Variants in CACNB2 observed in about 807,000 individuals in gnomAD.
CACNB2 encodes voltage-dependent L-type calcium channel subunit beta-2.
A neutral mutation model predicts 73.3 loss-of-function variants in CACNB2; 42 were observed. The ratio of observed to expected loss-of-function variants is 0.57; its 90% CI spans 0.45 to 0.74. CACNB2 has a LOEUF of 0.74. Among genes scored for constraint, CACNB2 ranks in the 30% least tolerant of loss-of-function variants. The pLI is 0.00. For synonymous variants in CACNB2, 348 were observed against 310.3 expected (o/e 1.12, Z -1.28); for missense variants, 940 against 853.0 (o/e 1.10, Z -1.27).
rs753552534 is a variant in CACNB2, at chr10:18,540,729, C to CGTAT, written c.*1009_*1012dup. 1 of 152,504 alleles carries CGTAT rather than the reference C, an allele frequency of 6.6e-6. No homozygotes were observed. Among genetic ancestry groups the CGTAT allele is most frequent in the Non-Finnish European group, 1.5e-5 (1 of 68,018 alleles). 9.4% of individuals were successfully genotyped at this position (152,504 alleles called of 1,614,324 possible). A position where few individuals can be genotyped will look rare whatever the true frequency, so the allele number is the denominator to read the frequency against. On this transcript the variant is annotated 3_prime_UTR_variant, in exon 14 of 14. Transcript: ENST00000324631. ...CTCGCTATATGCACGTGTGTGTGTC[C>CGTAT]GTATGTAAGAAAGTGTGCACCGAGT...
chr10:18,141,304 C>CGTGG, intron 1 of CACNB2: 1 of 1,178,074 alleles, frequency 8.5e-7, no homozygotes, highest in Non-Finnish European at 1.2e-6. Context: ...CCGGGGTGGG[C>CGTGG]GTGGGTGTGA....
At chr10:18,258,328 C>T (rs2037370906) in intron 2 of CACNB2, among the ~76,000 whole-genome samples, 1 of 152,168 alleles carries the variant, frequency 6.6e-6, no homozygotes, top group Non-Finnish European at 1.5e-5. Flanking sequence ...GGGGATAGAT[C>T]ATTTCCCCAG....
In CACNB2 at chr10:18,342,980, T is replaced by C. The variant is rs2041294602; in HGVS notation, c.214-58944T>C. ...TCAGTTTCAGTTTATTTCAGTACCT[T>C]CTAAAGTCATTCCAAACCTCAAATG... On this transcript the variant is annotated intron_variant, in intron 2 of 13. Coordinates refer to ENST00000324631, the MANE Select transcript of CACNB2 (RefSeq NM_201596.3). Among the ~76,000 whole-genome samples the C allele has an allele frequency of 2.0e-5, 3 of 152,200 alleles. No homozygotes were observed. In the South Asian group the frequency reaches 6.2e-4, roughly 31 times the overall value.
chr10:18,293,884 C>T (rs1376930183), intron 2 of CACNB2, among the ~76,000 whole-genome samples: 1 of 152,164 alleles, frequency 6.6e-6, no homozygotes, highest in Non-Finnish European at 1.5e-5. Flanking sequence ...GAGAGAGAGA[C>T]TTTGAAATGT....
intron 6 of CACNB2, chr10:18,513,577 T>C (rs1026417067): frequency 1.0e-5 from 4 of 381,782 alleles, no homozygotes; most frequent in Admixed American, 8.2e-5. Flanking sequence ...TATTGCAAGT[T>C]GTCTCCACTG....
At chr10:18,535,005 C>T (rs1283374522) in intron 11 of CACNB2, among the ~76,000 whole-genome samples, 2 of 152,168 alleles carry the variant, frequency 1.3e-5, no homozygotes, top group African/African-American at 4.8e-5. Context: ...AACTTGTATG[C>T]ATCTCTGAGA....
At chr10:18,438,688 G>A (rs1433748139) in intron 3 of CACNB2, among the ~76,000 whole-genome samples, 5 of 152,318 alleles carry the variant, frequency 3.3e-5, no homozygotes, top group Non-Finnish European at 7.3e-5. Context: ...TAGAGCATTC[G>A]GATTTATATA....
At chr10:18,514,190 A>G (rs745896615) in intron 6 of CACNB2, 46 bp from the exon 7 acceptor site, 16 of 1,605,034 alleles carry the variant, frequency 1.0e-5, no homozygotes, top group African/African-American at 2.7e-5. Flanking sequence ...TTTATAACCT[A>G]TTTTTCCTCT....
chr10:18,299,980 C>T (rs1289438820), intron 2 of CACNB2, among the ~76,000 whole-genome samples: 2 of 151,960 alleles, frequency 1.3e-5, no homozygotes, highest in African/African-American at 4.8e-5. Context: ...CCACCACTTT[C>T]ATAGGTAGAG....
In CACNB2 at chr10:18,494,489, G is replaced by A. The variant is rs11014502; in HGVS notation, c.334-3866G>A. Among the ~76,000 whole-genome samples the A allele has an allele frequency of 2.0e-3, 304 of 151,932 alleles. 8 individuals carry two copies. In the East Asian group the frequency reaches 0.052, roughly 26 times the overall value. ...CTAAAAATACAAAAAAAAATTAGCC[G>A]GGCATGGTGGCGGGCACCTGTAGTC... is the stretch of plus-strand genomic sequence containing the variant. On this transcript the variant is annotated intron_variant, in intron 3 of 13. Coordinates refer to ENST00000324631, the MANE Select transcript of CACNB2 (RefSeq NM_201596.3).
intron 2 of CACNB2, among the ~76,000 whole-genome samples, chr10:18,246,120 A>C (rs2036849634): frequency 6.6e-6 from 1 of 152,128 alleles, no homozygotes; most frequent in Non-Finnish European, 1.5e-5. Context: ...TACTGGGTTA[A>C]ACACACCAAT....
chr10:18,297,021 G>T (rs1247032018), intron 2 of CACNB2, among the ~76,000 whole-genome samples: 1 of 152,122 alleles, frequency 6.6e-6, no homozygotes, highest in East Asian at 1.9e-4. Flanking sequence ...TAGTGCCAGC[G>T]CATAAAAGTA....
At chr10:18,431,190 A>G (rs1564540190) in intron 3 of CACNB2, among the ~76,000 whole-genome samples, 1 of 151,796 alleles carries the variant, frequency 6.6e-6, no homozygotes, top group Non-Finnish European at 1.5e-5. Context: ...GGTGTGTTGC[A>G]CAGCCTCGTC....
chr10:18,463,009 G>C (rs1443757124), intron 3 of CACNB2, among the ~76,000 whole-genome samples: 1 of 152,032 alleles, frequency 6.6e-6, no homozygotes, highest in African/African-American at 2.4e-5. Context: ...CACCCAACTT[G>C]GCCTTCCAAA....
intron 6 of CACNB2, among the ~76,000 whole-genome samples, chr10:18,511,844 A>C (rs2050807474): frequency 6.6e-6 from 1 of 152,198 alleles, no homozygotes. Context: ...TTACAGACTC[A>C]TTTAGGTGGG....
intron 2 of CACNB2, among the ~76,000 whole-genome samples, chr10:18,223,750 A>C (rs1380777659): frequency 6.6e-6 from 1 of 152,114 alleles, no homozygotes; most frequent in Non-Finnish European, 1.5e-5. Context: ...TAGTTTTTAA[A>C]AATAAAGCTG....
chr10:18,435,746 C>A (rs186792728), intron 3 of CACNB2, among the ~76,000 whole-genome samples: 2 of 152,234 alleles, frequency 1.3e-5, no homozygotes, highest in East Asian at 3.9e-4. Flanking sequence ...GGGATCCATC[C>A]GCCTTGGCCT....
rs752760931 is a variant in CACNB2, at chr10:18,402,052, G to T, written c.333+9G>T. 3 of 1,612,964 alleles carry T rather than the reference G, an allele frequency of 1.9e-6. No individual in the cohort carries two copies. The South Asian group carries it at 3.3e-5, about 18-fold the overall frequency. On this transcript the variant is annotated intron_variant, in intron 3 of 13. Transcript: ENST00000324631. ...AGTTGGAAAAAGCAAAGGTAAAATC[G>T]TTTCCTCCCTGCCAAGATCTTTGCA...
chr10:18,323,216 C>T (rs2040459202), intron 2 of CACNB2, among the ~76,000 whole-genome samples: 3 of 152,010 alleles, frequency 2.0e-5, no homozygotes, highest in African/African-American at 7.2e-5. Context: ...GCCTCAGCCT[C>T]CCAAGGTGCT....
Sources: allele counts gnomAD v4.1 joint callset (sites outside exome capture counted in the v4.1 genomes callset), GRCh38; gene constraint gnomAD v4.1.1; transcripts MANE v1.5; gene names NCBI Gene and HGNC (gene_info 2026-07-23, HGNC 2026-07-21).